The following KSR1 variants were observed in gnomAD, a reference collection of about 807,000 sequenced individuals.
KSR1 encodes kinase suppressor of ras 1.
KSR1 carries 35 observed loss-of-function variants against 92.9 expected under a neutral mutation model. That is an observed-to-expected ratio of 0.38 (90% CI 0.29 to 0.50). The LOEUF is 0.50. KSR1 is among the 20% of genes least tolerant of loss of function. The pLI is 0.94. For synonymous variants in KSR1, 467 were observed against 472.6 expected (o/e 0.99, Z 0.15); for missense variants, 972 against 1,158.5 (o/e 0.84, Z 2.34).
At chr17:27,541,165 T>G (rs1597983309) in intron 1 of KSR1, among the ~76,000 whole-genome samples, 1 of 152,218 alleles carries the variant, frequency 6.6e-6, no homozygotes, top group South Asian at 2.1e-4. Context: ...AAGAGTCTGG[T>G]GCTGCCTACT....
chr17:27,605,921 CAT>C (rs1460557460), intron 14 of KSR1, 108 bp downstream of exon 14: 52 of 1,434,804 alleles, frequency 3.6e-5, no homozygotes, highest in Non-Finnish European at 4.7e-5. Flanking sequence ...CTAATAGAGG[CAT>C]AAAGAAGAAA....
chr17:27,611,735 G>C (rs1292529628), intron 18 of KSR1, 106 bp downstream of exon 18: 8 of 1,342,272 alleles, frequency 6.0e-6, no homozygotes, highest in Non-Finnish European at 8.3e-6. Context: ...TCGGTGAGGA[G>C]CTCTGCCACC....
intron 1 of KSR1, among the ~76,000 whole-genome samples, chr17:27,485,065 G>T (rs936297648): frequency 6.6e-6 from 1 of 152,138 alleles, no homozygotes; most frequent in Non-Finnish European, 1.5e-5. Flanking sequence ...ATTGAACCTG[G>T]CTTCCTATAC....
intron 1 of KSR1, among the ~76,000 whole-genome samples, chr17:27,464,940 TAAAAAA>T (rs111417449): frequency 3.7e-4 from 50 of 133,584 alleles, no homozygotes; most frequent in African/African-American, 4.2e-4. Context: ...CTGATGAGCT[TAAAAAA>T]AAAAAAAAAG....
intron 1 of KSR1, among the ~76,000 whole-genome samples, chr17:27,540,014 A>G (rs1450337843): frequency 1.3e-5 from 2 of 152,244 alleles, no homozygotes; most frequent in Admixed American, 6.5e-5. Flanking sequence ...GCCCTTGGCC[A>G]TTCACTCTGG....
At chr17:27,551,779 C>G (rs1279719601) in intron 2 of KSR1, among the ~76,000 whole-genome samples, 2 of 152,220 alleles carry the variant, frequency 1.3e-5, no homozygotes, top group Non-Finnish European at 2.9e-5. Context: ...CTCTCTCCCT[C>G]CCTGCCTCCA....
intron 1 of KSR1, among the ~76,000 whole-genome samples, chr17:27,541,578 C>T (rs1431308295): frequency 6.6e-6 from 1 of 152,174 alleles, no homozygotes; most frequent in Non-Finnish European, 1.5e-5. Context: ...GGCTTTGGAT[C>T]GCAAAAGAGG....
intron 1 of KSR1, among the ~76,000 whole-genome samples, chr17:27,520,774 G>A (rs901650000): frequency 6.6e-6 from 1 of 152,200 alleles, no homozygotes; most frequent in Admixed American, 6.5e-5. Flanking sequence ...AGGGTGGGGC[G>A]GCCCCCTGCC....
At chr17:27,523,008 C>T (rs1290208321) in intron 1 of KSR1, among the ~76,000 whole-genome samples, 1 of 152,168 alleles carries the variant, frequency 6.6e-6, no homozygotes. Flanking sequence ...GGAGGGGCCT[C>T]CTCTCTCACA....
At chr17:27,609,893 T>G (rs544660582) in intron 16 of KSR1, 174 bp from the exon 17 acceptor site, 2 of 688,418 alleles carry the variant, frequency 2.9e-6, no homozygotes, top group African/African-American at 1.8e-5. Context: ...CTTTGTAGAA[T>G]TCCTCAAAAG....
chr17:27,511,771 TC>T (rs1288457265), intron 1 of KSR1, among the ~76,000 whole-genome samples: 3 of 152,210 alleles, frequency 2.0e-5, no homozygotes, highest in African/African-American at 7.2e-5. Flanking sequence ...AGGGTCAGAC[TC>T]CTCTGCATCC....
chr17:27,540,726 C>T (rs557212638), intron 1 of KSR1, among the ~76,000 whole-genome samples: 23 of 152,374 alleles, frequency 1.5e-4, no homozygotes, highest in Non-Finnish European at 1.2e-4. Flanking sequence ...CCCCCGTGGG[C>T]GCCCTTGAGG....
At chr17:27,507,734 G>A (rs151012691) in intron 1 of KSR1, among the ~76,000 whole-genome samples, 6 of 151,502 alleles carry the variant, frequency 4.0e-5, no homozygotes, top group African/African-American at 9.7e-5. Flanking sequence ...GAGCCACCAC[G>A]CCTGGCTAAT....
chr17:27,604,854 A>G (rs2151229179), intron 13 of KSR1, 126 bp downstream of exon 13: 1 of 889,818 alleles, frequency 1.1e-6, no homozygotes, highest in African/African-American at 1.6e-5. Flanking sequence ...CCAGGCACCC[A>G]TTGCAGAGGT....
At chr17:27,541,419 G>T (rs2070958735) in intron 1 of KSR1, among the ~76,000 whole-genome samples, 1 of 152,238 alleles carries the variant, frequency 6.6e-6, no homozygotes, top group South Asian at 2.1e-4. Context: ...CAGGGGTGGG[G>T]TACAGCCCAG....
intron 1 of KSR1, among the ~76,000 whole-genome samples, chr17:27,492,364 G>A (rs1051526622): frequency 2.6e-5 from 4 of 152,120 alleles, no homozygotes; most frequent in African/African-American, 9.7e-5. Flanking sequence ...TCTGAAACTG[G>A]GTCTGTTCAA....
rs943143087 is a variant in KSR1, at chr17:27,510,486, G to A, written c.232-40082G>A. 2.0e-5 allele frequency among the ~76,000 whole-genome samples: 3 copies of A among 152,214 alleles called. No individual in the cohort carries two copies. The South Asian group carries it at 6.2e-4, about 31-fold the overall frequency. On this transcript the variant is annotated intron_variant, in intron 1 of 20. Coordinates refer to ENST00000644974, the MANE Select transcript of KSR1 (RefSeq NM_001394583.1). The stretch of plus-strand genomic sequence containing the variant: ...AGTGGTCATTTTGTGTAGTTTAATG[G>A]ATGGTTTTTAGACACGATGAAATTG...
chr17:27,524,454 A>G (rs1047013598), intron 1 of KSR1, among the ~76,000 whole-genome samples: 3 of 152,218 alleles, frequency 2.0e-5, no homozygotes, highest in African/African-American at 7.2e-5. Flanking sequence ...TAAGGCCAGA[A>G]AGATTTGAAT....
Position 27,456,497 on chromosome 17 carries a change from A to C in KSR1, c.-147A>C. 2.6e-6 allele frequency: 1 copy of C among 390,274 alleles called. No homozygotes were observed. The highest frequency in any genetic ancestry group is 4.6e-5 in the Admixed American group (1 of 21,748). 24.2% of individuals were successfully genotyped at this position (390,274 alleles called of 1,614,324 possible). A position where few individuals can be genotyped will look rare whatever the true frequency, so the allele number is the denominator to read the frequency against. ...CCGCGGCTGGGAGGGTGGAAGCGGC[A>C]GACTCAGCGGCCGGCTCTACCGGCG... On this transcript the variant is annotated 5_prime_UTR_variant, in exon 1 of 21. Transcript: ENST00000644974.
Sources: allele counts gnomAD v4.1 joint callset (sites outside exome capture counted in the v4.1 genomes callset), GRCh38; gene constraint gnomAD v4.1.1; transcripts MANE v1.5; gene names NCBI Gene and HGNC (gene_info 2026-07-23, HGNC 2026-07-21).